CHCHD6: variants seen among roughly 807,000 people sequenced by gnomAD.
The protein encoded by CHCHD6 is MICOS complex subunit MIC25.
A neutral mutation model predicts 32.3 loss-of-function variants in CHCHD6; 28 were observed. That is an observed-to-expected ratio of 0.87 (90% confidence interval 0.64 to 1.19). CHCHD6 has a LOEUF of 1.19. CHCHD6 is among the 50% of genes most tolerant of loss of function. CHCHD6 has a pLI of 0.00. For synonymous variants in CHCHD6, 122 were observed against 117.5 expected (o/e 1.04, Z -0.25); for missense variants, 333 against 307.0 (o/e 1.08, Z -0.63).
At chr3:126,831,255 G>A (rs1217615487) in intron 4 of CHCHD6, among the ~76,000 whole-genome samples, 1 of 151,994 alleles carries the variant, frequency 6.6e-6, no homozygotes, top group Non-Finnish European at 1.5e-5. Flanking sequence ...TCGATCTCCT[G>A]ACCTCTTGAT....
intron 4 of CHCHD6, among the ~76,000 whole-genome samples, chr3:126,820,537 G>A (rs1467005976): frequency 1.3e-5 from 2 of 152,186 alleles, no homozygotes; most frequent in African/African-American, 4.8e-5. Flanking sequence ...GTTCACCCAT[G>A]TATTTAGCAG....
chr3:126,862,200 C>T lies in CHCHD6; in HGVS notation c.495+9470C>T, dbSNP rs370944419. Among the ~76,000 whole-genome samples the T allele has an allele frequency of 3.5e-4, 42 of 119,238 alleles. No homozygotes were observed. In the East Asian group the frequency reaches 9.1e-3, roughly 26 times the overall value. 78.2% of individuals were successfully genotyped at this position (119,238 alleles called of 152,430 possible). On this transcript the variant is annotated intron_variant, in intron 5 of 7. Coordinates refer to ENST00000290913, the MANE Select transcript of CHCHD6 (RefSeq NM_032343.3). ...CCTCCTCCTCCACCATCACAACCGC[C>T]TCCTCCACCATCATCACCACCTCCT...
intron 6 of CHCHD6, among the ~76,000 whole-genome samples, chr3:126,927,256 G>A (rs1194877444): frequency 2.0e-5 from 3 of 152,204 alleles, no homozygotes; most frequent in East Asian, 1.9e-4. Context: ...TGGGGCATGC[G>A]CTGAACATGA....
chr3:126,790,413 AGT>A (rs1938468068), intron 4 of CHCHD6, among the ~76,000 whole-genome samples: 1 of 152,246 alleles, frequency 6.6e-6, no homozygotes, highest in South Asian at 2.1e-4. Flanking sequence ...AATAGTGCAG[AGT>A]GTTTTTCAAC....
At chr3:126,739,882 T>C (rs1400574539) in intron 4 of CHCHD6, among the ~76,000 whole-genome samples, 1 of 152,218 alleles carries the variant, frequency 6.6e-6, no homozygotes, top group Non-Finnish European at 1.5e-5. Flanking sequence ...TGATACTGGG[T>C]CACATTTGCT....
At chr3:126,863,360 T>C (rs1273695247) in intron 5 of CHCHD6, among the ~76,000 whole-genome samples, 51 of 34,246 alleles carry the variant, frequency 1.5e-3, no homozygotes, top group Admixed American at 2.9e-3. Flanking sequence ...TCCTCTACCA[T>C]CACCACCTCC....
intron 6 of CHCHD6, among the ~76,000 whole-genome samples, chr3:126,942,602 T>G (rs1271668148): frequency 2.6e-5 from 4 of 152,186 alleles, no homozygotes; most frequent in Admixed American, 2.6e-4. Flanking sequence ...CTCTCCTTCC[T>G]TTGGCATGTC....
At chr3:126,737,390 GTA>G (rs60896630) in intron 4 of CHCHD6, among the ~76,000 whole-genome samples, 6,213 of 132,514 alleles carry the variant, frequency 0.047, 153 homozygotes, top group African/African-American at 0.056. Flanking sequence ...TGATGTGTGA[GTA>G]TATATATATA....
At chr3:126,830,880 A>G (rs1305853469) in intron 4 of CHCHD6, among the ~76,000 whole-genome samples, 1 of 152,116 alleles carries the variant, frequency 6.6e-6, no homozygotes, top group Non-Finnish European at 1.5e-5. Flanking sequence ...TTCTGGCCTC[A>G]TTCCCTGTCA....
At chr3:126,766,970 T>C (rs1442920738) in intron 4 of CHCHD6, 1 of 942,642 alleles carries the variant, frequency 1.1e-6, no homozygotes, top group African/African-American at 1.6e-5. Context: ...AGGACCAGTG[T>C]GTGGTTAGCG....
rs896911574 is a variant in CHCHD6, at chr3:126,758,872, T to C, written c.411+25650T>C. Among the ~76,000 whole-genome samples the C allele has an allele frequency of 3.3e-5, 5 of 152,246 alleles. No individual in the cohort carries two copies. In the East Asian group the frequency reaches 9.6e-4, roughly 29 times the overall value. ...TCTGTCTACCCTGCGTCACTTATGT[T>C]GTAATAGAAGCTCATTTCCTTTTGA... On this transcript the variant is annotated intron_variant, in intron 4 of 7. Coordinates refer to ENST00000290913, the MANE Select transcript of CHCHD6 (RefSeq NM_032343.3).
At chr3:126,798,524 T>G (rs539328952) in intron 4 of CHCHD6, among the ~76,000 whole-genome samples, 1 of 152,304 alleles carries the variant, frequency 6.6e-6, no homozygotes, top group South Asian at 2.1e-4. Flanking sequence ...CTGTTTTTCC[T>G]TTGTGGCAGG....
chr3:126,771,265 C>T (rs1482095948), intron 4 of CHCHD6, among the ~76,000 whole-genome samples: 1 of 147,390 alleles, frequency 6.8e-6, no homozygotes, highest in African/African-American at 2.5e-5. Context: ...AGTGCAGTGG[C>T]GCAATCTCGG....
chr3:126,724,408 C>T (rs1935442513), intron 1 of CHCHD6, among the ~76,000 whole-genome samples: 2 of 152,156 alleles, frequency 1.3e-5, no homozygotes, highest in Non-Finnish European at 2.9e-5. Flanking sequence ...CAAGTGTACA[C>T]TAACATTATG....
chr3:126,775,999 C>T lies in CHCHD6; in HGVS notation c.411+42777C>T, dbSNP rs118147693. ...TGAGTGCCAGCCAGGCCCAGCATCA[C>T]GGAGACCAGTGTGGAAGGTGAGCTG... On this transcript the variant is annotated intron_variant, in intron 4 of 7. Transcript: ENST00000290913. 3.9e-4 allele frequency among the ~76,000 whole-genome samples: 59 copies of T among 152,288 alleles called. No homozygotes were observed. The East Asian group carries it at 0.01, about 26-fold the overall frequency.
At chr3:126,950,961 A>G (rs938163068) in intron 6 of CHCHD6, among the ~76,000 whole-genome samples, 2 of 152,228 alleles carry the variant, frequency 1.3e-5, no homozygotes, top group Non-Finnish European at 2.9e-5. Flanking sequence ...TGCATATGTC[A>G]TAGATGGGAA....
intron 4 of CHCHD6, 60 bp from the exon 5 acceptor site, chr3:126,852,587 G>GCAGCACCATTC: frequency 7.9e-7 from 1 of 1,261,666 alleles, no homozygotes; most frequent in Non-Finnish European, 1.2e-6. Flanking sequence ...CCTTCTCCCT[G>GCAGCACCATTC]CAGCACCATT....
intron 4 of CHCHD6, among the ~76,000 whole-genome samples, chr3:126,785,964 CT>C (rs938000909): frequency 4.6e-5 from 7 of 152,188 alleles, no homozygotes; most frequent in Non-Finnish European, 1.0e-4. Flanking sequence ...TCTCCTAATG[CT>C]ATCCCTTCCC....
intron 4 of CHCHD6, among the ~76,000 whole-genome samples, chr3:126,758,250 A>G (rs1024495705): frequency 2.0e-5 from 3 of 152,236 alleles, no homozygotes; most frequent in African/African-American, 7.2e-5. Flanking sequence ...TGCTGCCCTC[A>G]GCGTCCCTTC....
Sources: gnomAD v4.1 joint callset for allele counts (sites outside exome capture counted in the v4.1 genomes callset) on GRCh38, gnomAD v4.1.1 for gene constraint, MANE v1.5 for transcripts, NCBI Gene and HGNC (gene_info 2026-07-23, HGNC 2026-07-21) for gene names.